The following ARHGEF3 variants were observed in gnomAD, a reference collection of about 807,000 sequenced individuals.
ARHGEF3 encodes the protein Rho guanine nucleotide exchange factor 3.
In ARHGEF3, 28 loss-of-function variants were observed where a neutral mutation model predicts 63.2. The ratio of observed to expected loss-of-function variants is 0.44; its 90% CI spans 0.33 to 0.61. The LOEUF is 0.61. ARHGEF3 is among the 20% of genes least tolerant of loss of function. ARHGEF3 has a pLI of 0.03. For synonymous variants in ARHGEF3, 266 were observed against 254.2 expected (o/e 1.05, Z -0.44); for missense variants, 533 against 659.3 (o/e 0.81, Z 2.10).
In ARHGEF3 at chr3:56,968,242, A is replaced by G. The variant is rs1358356075; in HGVS notation, c.63-9353T>C. ...ATATATAATATATATATAAATATAT[A>G]TATTAATATATAATATTTAAATATA... On this transcript the variant is annotated intron_variant, in intron 2 of 12. Transcript: ENST00000338458. 4.8e-5 allele frequency among the ~76,000 whole-genome samples: 2 copies of G among 41,828 alleles called. 1 individual carries two copies. Among genetic ancestry groups the G allele is most frequent in the Non-Finnish European group, 8.8e-5 (2 of 22,786 alleles). 27.4% of individuals were successfully genotyped at this position (41,828 alleles called of 152,430 possible). A position where few individuals can be genotyped will look rare whatever the true frequency, so the allele number is the denominator to read the frequency against.
chr3:57,054,816 A>C (rs1428619802), intron 1 of ARHGEF3, among the ~76,000 whole-genome samples: 1 of 151,470 alleles, frequency 6.6e-6, no homozygotes, highest in East Asian at 2.0e-4. Flanking sequence ...ATGCCTGGCT[A>C]ATTTTTGTAT....
At position 57,022,751 on chromosome 3, in the gene ARHGEF3, C is replaced by T. The variant is rs146856101; in HGVS notation, c.62+12337G>A. Among the ~76,000 whole-genome samples, 14 of 152,078 alleles carry T rather than the reference C, an allele frequency of 9.2e-5. 1 individual carries two copies. The highest frequency in any genetic ancestry group is 2.9e-4 in the African/African-American group (12 of 41,524). ...CTAGGAGGACCCTGTTTTTTGCCAA[C>T]AAAGGAAGAGAGGACCTATCTTTCA... On this transcript the variant is annotated intron_variant, in intron 2 of 12. Coordinates refer to the ARHGEF3 transcript ENST00000338458.
Position 56,775,790 on chromosome 3 carries a change from A to G in ARHGEF3, c.97-1974T>C, listed in dbSNP as rs546865436. On this transcript the variant is annotated intron_variant, in intron 1 of 9. Coordinates refer to ENST00000296315, the MANE Select transcript of ARHGEF3 (RefSeq NM_019555.3). ...TAGCGTACTGAATACACACACACAC[A>G]CACGCGCAAGCACACACACACACAC... The G allele has an allele frequency of 1.9e-3, 651 of 349,630 alleles. 5 individuals carry two copies. Among genetic ancestry groups the G allele is most frequent in the Middle Eastern group, 3.0e-3 (2 of 674 alleles). 21.7% of individuals were successfully genotyped at this position (349,630 alleles called of 1,614,324 possible).
At chr3:56,772,123 G>A (rs2036039701) in intron 2 of ARHGEF3, among the ~76,000 whole-genome samples, 1 of 152,162 alleles carries the variant, frequency 6.6e-6, no homozygotes, top group Non-Finnish European at 1.5e-5. Flanking sequence ...AGGGATCAGG[G>A]TATTAACCAG....
chr3:56,882,177 T>A (rs1578751569), intron 4 of ARHGEF3: 2 of 1,030,132 alleles, frequency 1.9e-6, no homozygotes, highest in East Asian at 5.5e-5. Flanking sequence ...AGGTCACAAC[T>A]TCCATAGTCA....
At chr3:56,874,569 GCT>G in intron 4 of ARHGEF3, among the ~76,000 whole-genome samples, 1 of 152,322 alleles carries the variant, frequency 6.6e-6, no homozygotes, top group South Asian at 2.1e-4. Flanking sequence ...AGACAGGAAA[GCT>G]TTTTTCCCCC....
At chr3:56,955,381 T>C (rs917589514) in intron 3 of ARHGEF3, among the ~76,000 whole-genome samples, 6 of 151,984 alleles carry the variant, frequency 3.9e-5, no homozygotes, top group Non-Finnish European at 5.9e-5. Flanking sequence ...TTTGTTTCTG[T>C]TTTCAGAGAC....
intron 2 of ARHGEF3, among the ~76,000 whole-genome samples, chr3:56,969,575 A>C (rs1428917064): frequency 6.6e-6 from 1 of 152,076 alleles, no homozygotes; most frequent in Non-Finnish European, 1.5e-5. Context: ...GATCAAGACC[A>C]TCCTGGCCAA....
intron 4 of ARHGEF3, among the ~76,000 whole-genome samples, chr3:56,810,910 C>T (rs1339048820): frequency 1.3e-5 from 2 of 152,174 alleles, no homozygotes; most frequent in African/African-American, 4.8e-5. Context: ...GAATGATCAG[C>T]AAGCCCAATA....
intron 4 of ARHGEF3, among the ~76,000 whole-genome samples, chr3:56,836,426 A>G (rs1172792144): frequency 6.6e-6 from 1 of 152,220 alleles, no homozygotes; most frequent in East Asian, 1.9e-4. Flanking sequence ...CATGAGATTA[A>G]TTAGTTGCCT....
At chr3:56,930,382 A>G (rs563307197) in intron 3 of ARHGEF3, among the ~76,000 whole-genome samples, 1 of 152,280 alleles carries the variant, frequency 6.6e-6, no homozygotes, top group Non-Finnish European at 1.5e-5. Flanking sequence ...TAAACCAGAG[A>G]CTTTTAAGGT....
chr3:57,071,439 A>T (rs1705896530), intron 1 of ARHGEF3, among the ~76,000 whole-genome samples: 1 of 152,170 alleles, frequency 6.6e-6, no homozygotes, highest in Non-Finnish European at 1.5e-5. Flanking sequence ...AGGTGGGCAG[A>T]TCATGAGGTC....
intron 4 of ARHGEF3, among the ~76,000 whole-genome samples, chr3:56,859,111 C>T (rs2039981092): frequency 1.3e-5 from 2 of 152,098 alleles, no homozygotes; most frequent in Non-Finnish European, 2.9e-5. Context: ...TTTAGAGTTA[C>T]CAGCTTATAG....
At chr3:56,970,797 C>T (rs573174223) in intron 2 of ARHGEF3, among the ~76,000 whole-genome samples, 6 of 152,362 alleles carry the variant, frequency 3.9e-5, no homozygotes, top group African/African-American at 9.6e-5. Flanking sequence ...CATACAGGGG[C>T]GGCTTCGCCC....
At chr3:56,820,351 A>C (rs1245276799) in intron 4 of ARHGEF3, among the ~76,000 whole-genome samples, 1 of 152,222 alleles carries the variant, frequency 6.6e-6, no homozygotes, top group East Asian at 1.9e-4. Context: ...ACCAGTTTAC[A>C]GAAAACGGGG....
intron 3 of ARHGEF3, among the ~76,000 whole-genome samples, chr3:56,923,054 AT>A (rs1560053784): frequency 0.069 from 1,268 of 18,332 alleles, 58 homozygotes; most frequent in African/African-American, 0.12. Context: ...ATATATATAT[AT>A]ATATATATAT....
intron 1 of ARHGEF3, among the ~76,000 whole-genome samples, chr3:57,075,944 T>A (rs1164279119): frequency 6.6e-6 from 1 of 152,260 alleles, no homozygotes; most frequent in Non-Finnish European, 1.5e-5. Context: ...ATCATGCTGA[T>A]ACTATCCCAT....
At position 56,992,407 on chromosome 3, in the gene ARHGEF3, A is replaced by AAAAC. The variant is rs1553799651; in HGVS notation, c.63-33519_63-33518insGTTT. Among the ~76,000 whole-genome samples, 282 of 116,270 alleles carry AAAAC rather than the reference A, an allele frequency of 2.4e-3. 14 individuals are homozygous for AAAAC. The highest frequency in any genetic ancestry group is 5.2e-3 in the Middle Eastern group (1 of 192). The allele number at this position is 116,270 out of a possible 152,430, so 76.3% of individuals were successfully genotyped here. On this transcript the variant is annotated intron_variant, in intron 2 of 12. Transcript: ENST00000338458. ...AAAAAAAAAAAAAAAAAAAAAAAAA[A>AAAAC]AAAAAAACAGAAAGAAGGTCATGTG...
chr3:56,955,888 T>C (rs1700023550), intron 3 of ARHGEF3, among the ~76,000 whole-genome samples: 1 of 152,236 alleles, frequency 6.6e-6, no homozygotes, highest in African/African-American at 2.4e-5. Flanking sequence ...CCCGACCATG[T>C]CACTGTGGAT....
Sources: gnomAD v4.1 joint callset for allele counts (sites outside exome capture counted in the v4.1 genomes callset) on GRCh38, gnomAD v4.1.1 for gene constraint, MANE v1.5 for transcripts, NCBI Gene and HGNC (gene_info 2026-07-23, HGNC 2026-07-21) for gene names.